MREG: variants seen among roughly 807,000 people sequenced by gnomAD.
MREG encodes dilute suppressor protein homolog.
A neutral mutation model predicts 28.5 loss-of-function variants in MREG; 31 were observed. The ratio of observed to expected loss-of-function variants is 1.09; its 90% CI spans 0.82 to 1.47. The LOEUF is 1.47. Ranked by LOEUF, MREG falls within the 40% of genes most tolerant of loss-of-function variation. The pLI is 0.00. For synonymous variants in MREG, 106 were observed against 95.2 expected, an observed-to-expected ratio of 1.11 and a Z score of -0.66; for missense variants, 256 against 257.4, an observed-to-expected ratio of 0.99 and a Z score of 0.04.
chr2:216,023,382 A>G (rs1694553309), intron 1 of MREG, among the ~76,000 whole-genome samples: 1 of 152,242 alleles, frequency 6.6e-6, no homozygotes, highest in South Asian at 2.1e-4. Context: ...TTAAAGGGAC[A>G]TAGTAATATT....
intron 1 of MREG, among the ~76,000 whole-genome samples, chr2:216,024,041 G>T: frequency 6.6e-6 from 1 of 152,104 alleles, no homozygotes. Context: ...TCAAGTATAT[G>T]CCATGAGTAC....
chr2:216,025,589 C>T (rs1252860661), intron 1 of MREG, among the ~76,000 whole-genome samples: 3 of 152,212 alleles, frequency 2.0e-5, no homozygotes, highest in Admixed American at 6.5e-5. Flanking sequence ...AGTCAGTAAG[C>T]GAGAACTGGC....
intron 1 of MREG, among the ~76,000 whole-genome samples, chr2:216,004,380 G>A (rs1694096974): frequency 6.6e-6 from 1 of 152,050 alleles, no homozygotes; most frequent in Non-Finnish European, 1.5e-5. Flanking sequence ...TAGAACAAAA[G>A]CCACGAGGAC....
intron 2 of MREG, among the ~76,000 whole-genome samples, chr2:215,988,030 C>A (rs1693622055): frequency 6.6e-6 from 1 of 152,140 alleles, no homozygotes; most frequent in Non-Finnish European, 1.5e-5. Flanking sequence ...GACTGCCTGT[C>A]TTGGTAACAG....
chr2:215,983,659 A>AC (rs1210243341), intron 2 of MREG, among the ~76,000 whole-genome samples: 1 of 152,094 alleles, frequency 6.6e-6, no homozygotes, highest in African/African-American at 2.4e-5. Context: ...ACATGTAGTA[A>AC]TTGTATGTAT....
intron 2 of MREG, among the ~76,000 whole-genome samples, chr2:215,971,856 T>A (rs1693108296): frequency 6.6e-6 from 1 of 152,076 alleles, no homozygotes; most frequent in African/African-American, 2.4e-5. Flanking sequence ...TGAAGGACAG[T>A]CTGTGTTTCA....
At chr2:216,011,536 T>C (rs1429082028) in intron 1 of MREG, among the ~76,000 whole-genome samples, 1 of 152,214 alleles carries the variant, frequency 6.6e-6, no homozygotes, top group African/African-American at 2.4e-5. Context: ...GATGATGAAA[T>C]TGAGGCACAA....
At chr2:216,032,325 ATTTG>A (rs1016952964) in intron 1 of MREG, among the ~76,000 whole-genome samples, 15 of 152,196 alleles carry the variant, frequency 9.9e-5, no homozygotes, top group African/African-American at 2.9e-4. Flanking sequence ...TACTTTGCTG[ATTTG>A]TTTGAGTTTT....
intron 1 of MREG, among the ~76,000 whole-genome samples, chr2:216,031,012 C>T (rs949388329): frequency 1.3e-5 from 2 of 151,910 alleles, no homozygotes; most frequent in African/African-American, 4.8e-5. Context: ...CCTGCTCTCT[C>T]TCTCTCATTT....
At chr2:216,027,214 T>G (rs533525519) in intron 1 of MREG, among the ~76,000 whole-genome samples, 43 of 152,304 alleles carry the variant, frequency 2.8e-4, no homozygotes, top group African/African-American at 8.9e-4. Flanking sequence ...TGTAATACAT[T>G]TGGTGTTTGG....
intron 2 of MREG, among the ~76,000 whole-genome samples, chr2:215,974,338 C>T (rs1222115740): frequency 6.6e-6 from 1 of 152,184 alleles, no homozygotes; most frequent in Non-Finnish European, 1.5e-5. Flanking sequence ...AGCAGCAGGT[C>T]TCAGCCCACA....
intron 2 of MREG, among the ~76,000 whole-genome samples, chr2:215,987,587 AAAG>A (rs1693606428): frequency 6.6e-6 from 1 of 152,150 alleles, no homozygotes; most frequent in Non-Finnish European, 1.5e-5. Context: ...TATACTTTTA[AAAG>A]AAGAAAGTGG....
chr2:215,965,808 G>A (rs548913999), intron 2 of MREG, among the ~76,000 whole-genome samples: 41 of 152,282 alleles, frequency 2.7e-4, no homozygotes, highest in Non-Finnish European at 5.4e-4. Flanking sequence ...TAGGGGACTT[G>A]GTGGTGAGAA....
chr2:215,981,720 C>T (rs1693432835), intron 2 of MREG, among the ~76,000 whole-genome samples: 1 of 152,042 alleles, frequency 6.6e-6, no homozygotes, highest in East Asian at 1.9e-4. Context: ...ATATTTTTGG[C>T]CTGGAATACT....
rs1692232048 is a variant in MREG at position 215,943,433 on chromosome 2, A to T, written c.*1430T>A. ...ACTCCCTGCATATGTGCAAGTCTGC[A>T]TGAGAGGTCCCCCCACAGGTGCAGC... On this transcript the variant is annotated 3_prime_UTR_variant, in exon 5 of 5. Transcript: ENST00000263268. 1 of 456,792 alleles carries T rather than the reference A, an allele frequency of 2.2e-6. No homozygotes were observed. The highest frequency in any genetic ancestry group is 4.4e-6 in the Non-Finnish European group (1 of 226,984). 28.3% of individuals were successfully genotyped at this position (456,792 alleles called of 1,614,324 possible).
intron 2 of MREG, among the ~76,000 whole-genome samples, chr2:215,967,606 A>G (rs534560071): frequency 6.6e-6 from 1 of 152,350 alleles, no homozygotes; most frequent in Non-Finnish European, 1.5e-5. Context: ...TCCTTTTTGT[A>G]TGAAAAATTA....
chr2:216,029,055 C>T (rs1339787981), intron 1 of MREG, among the ~76,000 whole-genome samples: 1 of 151,974 alleles, frequency 6.6e-6, no homozygotes, highest in African/African-American at 2.4e-5. Flanking sequence ...TTACAAGTAG[C>T]AATTCCAAAA....
rs183231809 is a variant in MREG at position 216,020,857 on chromosome 2, G to A, written c.-68+11932C>T. ...TACAGGAGCTCTCTGCAAGAGGAAC[G>A]TCAGACTCCCACTGCGTCCCTTAAA... On this transcript the variant is annotated intron_variant, in intron 1 of 3. Transcript: ENST00000420348. Among the ~76,000 whole-genome samples, 58 of 152,308 alleles carry A rather than the reference G, an allele frequency of 3.8e-4. No individual in the cohort carries two copies. The East Asian group carries it at 6.4e-3, about 17-fold the overall frequency.
At chr2:215,951,614 T>TC (rs1325668919) in intron 2 of MREG, among the ~76,000 whole-genome samples, 1 of 152,216 alleles carries the variant, frequency 6.6e-6, no homozygotes, top group Non-Finnish European at 1.5e-5. Flanking sequence ...TGAGCTAATT[T>TC]CATAAGATAC....
Sources: allele counts gnomAD v4.1 joint callset (sites outside exome capture counted in the v4.1 genomes callset), GRCh38; gene constraint gnomAD v4.1.1; transcripts MANE v1.5; gene names NCBI Gene and HGNC (gene_info 2026-07-23, HGNC 2026-07-21).